EHBP1: variants seen among roughly 807,000 people sequenced by gnomAD.
The protein encoded by EHBP1 is EH domain binding protein 1.
Under a neutral mutation model 144.0 loss-of-function variants are expected in EHBP1, and 55 were observed. The observed-to-expected ratio is 0.38, with a 90% confidence interval of 0.31 to 0.48. The LOEUF is 0.48. Among genes scored for constraint, EHBP1 ranks in the 20% least tolerant of loss-of-function variants. EHBP1 has a pLI of 0.98. For synonymous variants in EHBP1, 469 were observed against 472.7 expected, an observed-to-expected ratio of 0.99 and a Z score of 0.10; for missense variants, 1,200 against 1,364.2, an observed-to-expected ratio of 0.88 and a Z score of 1.90.
chr2:62,983,925 T>G (rs1242147834), intron 15 of EHBP1, among the ~76,000 whole-genome samples: 1 of 152,218 alleles, frequency 6.6e-6, no homozygotes, highest in African/African-American at 2.4e-5. Flanking sequence ...ATTTTGCCCA[T>G]GAGAATGTCT....
chr2:62,952,058 A>T (rs532612465), intron 13 of EHBP1, among the ~76,000 whole-genome samples: 1 of 152,296 alleles, frequency 6.6e-6, no homozygotes, highest in African/African-American at 2.4e-5. Flanking sequence ...TTTAGCTGTG[A>T]AACTATCATT....
chr2:62,787,047 C>G (rs953005940), intron 5 of EHBP1, among the ~76,000 whole-genome samples: 1 of 152,124 alleles, frequency 6.6e-6, no homozygotes, highest in African/African-American at 2.4e-5. Context: ...TATTTCATAG[C>G]CTTGCAAGTT....
chr2:62,948,149 A>G (rs1029956878), intron 12 of EHBP1, 111 bp from the exon 13 acceptor site: 17 of 914,492 alleles, frequency 1.9e-5, no homozygotes, highest in Non-Finnish European at 2.6e-5. Flanking sequence ...TTCATGTGAC[A>G]TAATGTCGAT....
chr2:62,903,011 A>G (rs1431084787), intron 10 of EHBP1, among the ~76,000 whole-genome samples: 1 of 152,180 alleles, frequency 6.6e-6, no homozygotes, highest in African/African-American at 2.4e-5. Context: ...TGCTATTATT[A>G]GCTCACTTGC....
At chr2:62,858,142 ATC>A (rs1301755492) in intron 7 of EHBP1, among the ~76,000 whole-genome samples, 4 of 152,110 alleles carry the variant, frequency 2.6e-5, no homozygotes, top group African/African-American at 9.7e-5. Context: ...TCGGGTTATT[ATC>A]TCGTTTTGTG....
At chr2:62,702,241 G>A (rs923925729), upstream of EHBP1, among the ~76,000 whole-genome samples, 2 of 152,188 alleles carry the variant, frequency 1.3e-5, no homozygotes, top group African/African-American at 4.8e-5. Flanking sequence ...TAAGCTTGAT[G>A]ATATTTAAAG....
chr2:62,944,169 T>C (rs184691986), intron 12 of EHBP1, among the ~76,000 whole-genome samples: 36 of 152,342 alleles, frequency 2.4e-4, no homozygotes, highest in Non-Finnish European at 3.7e-4. Flanking sequence ...GCCATAGTTG[T>C]TATGTAAGTT....
In EHBP1 at chr2:62,816,417, A is replaced by G. The variant is rs539308174; in HGVS notation, c.313-9670A>G. Among the ~76,000 whole-genome samples the G allele has an allele frequency of 1.1e-4, 17 of 152,348 alleles. No individual in the cohort carries two copies. In the South Asian group the frequency reaches 3.3e-3, roughly 30 times the overall value. ...TTAGCTTTTAATAGAGTAAATATTG[A>G]TAGATACAACCCACATAAACAGAAG... On this transcript the variant is annotated intron_variant, in intron 5 of 22. Coordinates refer to ENST00000431489, the MANE Select transcript of EHBP1 (RefSeq NM_001142616.3).
intron 10 of EHBP1, among the ~76,000 whole-genome samples, chr2:62,905,437 C>G (rs537832257): frequency 2.4e-4 from 37 of 152,226 alleles, no homozygotes; most frequent in Admixed American, 2.4e-3. Flanking sequence ...CTAGACCATG[C>G]AATGCCTTTG....
chr2:62,739,022 G>T (rs1484570645), intron 2 of EHBP1, among the ~76,000 whole-genome samples: 1 of 152,144 alleles, frequency 6.6e-6, no homozygotes. Context: ...ACATGGACAG[G>T]TTGCTAATGT....
intron 19 of EHBP1, among the ~76,000 whole-genome samples, chr2:63,000,024 G>C (rs1006182296): frequency 6.6e-5 from 10 of 152,036 alleles, no homozygotes; most frequent in Admixed American, 5.9e-4. Context: ...TGAGTCCTAG[G>C]CTCCCAGAGC....
chr2:62,921,486 A>T (rs988386788), intron 10 of EHBP1, among the ~76,000 whole-genome samples: 2 of 152,112 alleles, frequency 1.3e-5, no homozygotes, highest in African/African-American at 4.8e-5. Flanking sequence ...ATAACCACAA[A>T]GAAAATAACA....
chr2:63,016,139 A>C (rs561550237), intron 19 of EHBP1, among the ~76,000 whole-genome samples: 4 of 152,236 alleles, frequency 2.6e-5, no homozygotes, highest in Non-Finnish European at 5.9e-5. Context: ...AATTTTCTAC[A>C]AAGTGAATTT....
At chr2:62,952,955 A>G (rs928212832) in intron 13 of EHBP1, among the ~76,000 whole-genome samples, 3 of 152,072 alleles carry the variant, frequency 2.0e-5, no homozygotes, top group Non-Finnish European at 4.4e-5. Flanking sequence ...ACCATGGCTC[A>G]CTCCTGTAAT....
chr2:63,031,195 A>G (rs1449464014), intron 19 of EHBP1, among the ~76,000 whole-genome samples: 1 of 152,172 alleles, frequency 6.6e-6, no homozygotes, highest in Non-Finnish European at 1.5e-5. Context: ...AGTCATTCCC[A>G]TGACATGACT....
intron 7 of EHBP1, among the ~76,000 whole-genome samples, chr2:62,847,166 C>G (rs1372685627): frequency 6.6e-6 from 1 of 152,096 alleles, no homozygotes; most frequent in Non-Finnish European, 1.5e-5. Context: ...TATACCCAAG[C>G]TTGGCCAATT....
intron 18 of EHBP1, among the ~76,000 whole-genome samples, chr2:62,995,469 A>G (rs1313119715): frequency 2.0e-5 from 3 of 152,144 alleles, no homozygotes; most frequent in Non-Finnish European, 2.9e-5. Flanking sequence ...ATTCTAAAAT[A>G]TGCTCATAAT....
intron 5 of EHBP1, among the ~76,000 whole-genome samples, chr2:62,795,132 C>G (rs1031491505): frequency 2.0e-5 from 3 of 152,130 alleles, no homozygotes; most frequent in South Asian, 2.1e-4. Context: ...CAGGTCAAGC[C>G]TCTTTTAATT....
At chr2:62,815,138 C>T (rs1305184093) in intron 5 of EHBP1, among the ~76,000 whole-genome samples, 2 of 152,180 alleles carry the variant, frequency 1.3e-5, no homozygotes, top group Non-Finnish European at 1.5e-5. Context: ...GCTTTTACCT[C>T]TCCATGGAGA....
Sources: gnomAD v4.1 joint callset for allele counts (sites outside exome capture counted in the v4.1 genomes callset) on GRCh38, gnomAD v4.1.1 for gene constraint, MANE v1.5 for transcripts, NCBI Gene and HGNC (gene_info 2026-07-23, HGNC 2026-07-21) for gene names.